The following PRKN variants were observed in gnomAD, a reference collection of about 807,000 sequenced individuals.
PRKN encodes the protein parkin RBR E3 ubiquitin protein ligase.
PRKN carries 56 observed loss-of-function variants against 59.5 expected under a neutral mutation model. The ratio of observed to expected loss-of-function variants is 0.94; its 90% CI spans 0.76 to 1.18. PRKN has a LOEUF of 1.18. Ranked by LOEUF, PRKN falls within the 50% of genes most tolerant of loss-of-function variation. The pLI is 0.00. For missense variants in PRKN, 657 were observed against 596.4 expected, an observed-to-expected ratio of 1.10 and a Z score of -1.06; for synonymous variants, 250 against 222.1, an observed-to-expected ratio of 1.13 and a Z score of -1.12.
At chr6:161,882,876 G>A (rs1312212773) in intron 6 of PRKN, among the ~76,000 whole-genome samples, 5 of 151,732 alleles carry the variant, frequency 3.3e-5, no homozygotes, top group African/African-American at 4.8e-5. Context: ...GTGGTGGCGG[G>A]TGCTTGTAAT....
In PRKN at chr6:161,545,545, A is replaced by G. The variant is rs1779767124; in HGVS notation, c.1083+3309T>C. ...ATCTAACCACAATTTCTTCCAGACAATGGCTTTCCATTACACTCCTTAAAC... is the reference window on the plus strand; with the variant it reads ...ATCTAACCACAATTTCTTCCAGACAGTGGCTTTCCATTACACTCCTTAAAC... On this transcript the variant is annotated intron_variant, in intron 9 of 11. Coordinates refer to ENST00000366898, the MANE Select transcript of PRKN (RefSeq NM_004562.3). This position sits in a 1 kb window ranked among gnomAD's most constrained non-coding sequence, Gnocchi z 4.1. 2.5e-6 allele frequency: 2 copies of G among 814,084 alleles called. No homozygotes were observed. The highest frequency in any genetic ancestry group is 2.0e-5 in the Admixed American group (1 of 50,042). The allele number at this position is 814,084 out of a possible 1,614,324, so 50.4% of individuals were successfully genotyped here.
At chr6:162,470,499 G>A (rs372906294) in intron 1 of PRKN, among the ~76,000 whole-genome samples, 20 of 152,162 alleles carry the variant, frequency 1.3e-4, no homozygotes, top group Admixed American at 4.6e-4. Flanking sequence ...GCTGAGGCAG[G>A]AGAATCGCTT....
intron 2 of PRKN, among the ~76,000 whole-genome samples, chr6:162,398,050 AAAAAG>A (rs1470726905): frequency 6.6e-6 from 1 of 151,868 alleles, no homozygotes; most frequent in African/African-American, 2.4e-5. Flanking sequence ...AAAAAAAAAA[AAAAAG>A]AAAGATTTTC....
intron 7 of PRKN, among the ~76,000 whole-genome samples, chr6:161,676,421 C>T (rs1163915134): frequency 6.6e-6 from 1 of 152,168 alleles, no homozygotes; most frequent in African/African-American, 2.4e-5. Flanking sequence ...AGCAAACTGG[C>T]TCTGATCTAA....
chr6:162,326,419 A>T (rs1345902616), intron 2 of PRKN, among the ~76,000 whole-genome samples: 1 of 152,144 alleles, frequency 6.6e-6, no homozygotes, highest in Non-Finnish European at 1.5e-5. Flanking sequence ...AAAATCAATG[A>T]ATTTAAGAGT....
In PRKN at chr6:161,544,478, T is replaced by C. The variant is rs1051256304; in HGVS notation, c.1083+4376A>G. 1.4e-5 allele frequency among the ~76,000 whole-genome samples: 2 copies of C among 146,908 alleles called. No homozygotes were observed. Among genetic ancestry groups the C allele is most frequent in the African/African-American group, 4.9e-5 (2 of 40,436 alleles). On this transcript the variant is annotated intron_variant, in intron 9 of 11. Transcript: ENST00000366898. This position sits in a 1 kb window ranked among gnomAD's most constrained non-coding sequence, Gnocchi z 5.5. ...TAGTTTGTTGATATTACTCCTAGAT[T>C]ATTAAGATTCACTCAACCATTTATT... is the stretch of plus-strand genomic sequence containing the variant.
intron 9 of PRKN, among the ~76,000 whole-genome samples, chr6:161,415,629 C>G (rs903994346): frequency 1.4e-5 from 2 of 147,150 alleles, no homozygotes; most frequent in African/African-American, 2.5e-5. Flanking sequence ...AGCCCCCGAC[C>G]GCCCGGAACT....
chr6:161,884,528 T>G (rs1795059505), intron 6 of PRKN, among the ~76,000 whole-genome samples: 1 of 152,246 alleles, frequency 6.6e-6, no homozygotes. Flanking sequence ...AACCTTAAAA[T>G]GATGGATATG....
At chr6:161,639,853 G>T (rs528457400) in intron 7 of PRKN, among the ~76,000 whole-genome samples, 1 of 152,302 alleles carries the variant, frequency 6.6e-6, no homozygotes, top group East Asian at 1.9e-4. Flanking sequence ...TTTGCACAAG[G>T]CGCAATGCCT....
At chr6:162,101,663 C>T (rs1174330742) in intron 4 of PRKN, among the ~76,000 whole-genome samples, 1 of 151,636 alleles carries the variant, frequency 6.6e-6, no homozygotes, top group Non-Finnish European at 1.5e-5. Flanking sequence ...CAGAGCGAGA[C>T]TCCGTCTCTA....
intron 1 of PRKN, among the ~76,000 whole-genome samples, chr6:162,654,846 G>T (rs61125279): frequency 5.6e-4 from 4 of 7,146 alleles, no homozygotes; most frequent in African/African-American, 1.2e-3. Context: ...AGAGTGAAGT[G>T]GGGGGGGAAA....
chr6:162,644,479 T>C (rs1426393335), intron 1 of PRKN, among the ~76,000 whole-genome samples: 2 of 152,132 alleles, frequency 1.3e-5, no homozygotes, highest in Admixed American at 6.6e-5. Flanking sequence ...ACCTAATCCC[T>C]CCCTGGGAGA....
intron 2 of PRKN, among the ~76,000 whole-genome samples, chr6:162,296,207 GCCCATCCC>G (rs1781667383): frequency 6.7e-6 from 1 of 148,988 alleles, no homozygotes; most frequent in Non-Finnish European, 1.5e-5. Flanking sequence ...AACAGAATGT[GCCCATCCC>G]CCCACCCCCT....
intron 1 of PRKN, among the ~76,000 whole-genome samples, chr6:162,510,250 T>A (rs1254417318): frequency 6.6e-6 from 1 of 152,234 alleles, no homozygotes; most frequent in African/African-American, 2.4e-5. Context: ...TTGAGTATTT[T>A]CCTCTTTTGC....
intron 1 of PRKN, among the ~76,000 whole-genome samples, chr6:162,478,860 T>TA (rs1399661532): frequency 6.6e-6 from 1 of 151,904 alleles, no homozygotes; most frequent in Non-Finnish European, 1.5e-5. Context: ...GTATAAAAGG[T>TA]AAAAAATGGG....
rs186162875 is a variant in PRKN at position 162,545,858 on chromosome 6, G to A, written c.8-102385C>T. ...GTAATTGGGGGAACAAAAGATGTGG[G>A]CAATTAGCAAATGAATATGGTGCTT... On this transcript the variant is annotated intron_variant, in intron 1 of 11. Transcript: ENST00000366898. 2.0e-5 allele frequency among the ~76,000 whole-genome samples: 3 copies of A among 152,160 alleles called. No homozygotes were observed. In the East Asian group the frequency reaches 5.8e-4, roughly 29 times the overall value.
intron 9 of PRKN, among the ~76,000 whole-genome samples, chr6:161,435,399 A>G (rs1312315567): frequency 6.6e-6 from 1 of 152,140 alleles, no homozygotes; most frequent in Non-Finnish European, 1.5e-5. Flanking sequence ...TGTGAAGGTA[A>G]GTGAAGTCGT....
At chr6:161,924,499 A>G (rs1028094410) in intron 6 of PRKN, among the ~76,000 whole-genome samples, 29 of 152,224 alleles carry the variant, frequency 1.9e-4, no homozygotes, top group Non-Finnish European at 3.1e-4. Flanking sequence ...CAAGATTTTA[A>G]TAACTACTCA....
intron 6 of PRKN, among the ~76,000 whole-genome samples, chr6:161,874,516 T>C (rs1794576880): frequency 9.8e-6 from 1 of 102,422 alleles, no homozygotes; most frequent in South Asian, 3.3e-4. Context: ...ATATGTAAAA[T>C]ATATATTATA....
Sources: allele counts gnomAD v4.1 joint callset (sites outside exome capture counted in the v4.1 genomes callset), GRCh38; gene constraint gnomAD v4.1.1; non-coding constraint Gnocchi (gnomAD v3.1); transcripts MANE v1.5; gene names NCBI Gene and HGNC (gene_info 2026-07-23, HGNC 2026-07-21).